The following BMAL2 variants were observed in gnomAD, a reference collection of about 807,000 sequenced individuals.
BMAL2 encodes the protein basic helix-loop-helix ARNT like 2, also known as basic helix-loop-helix ARNT-like protein 2.
chr12:27,408,626 T>C, the BMAL2 span, among the ~76,000 whole-genome samples: 54 of 152,084 alleles, frequency 3.6e-4, no homozygotes, highest in Non-Finnish European at 6.8e-4. Flanking sequence ...GACAAACCCA[T>C]AGCCAATATC....
the BMAL2 span, among the ~76,000 whole-genome samples, chr12:27,333,414 G>A: frequency 6.6e-6 from 1 of 152,242 alleles, no homozygotes; most frequent in Non-Finnish European, 1.5e-5. Flanking sequence ...GAGCCAGCGG[G>A]GGACCTTGCA....
the BMAL2 span, among the ~76,000 whole-genome samples, chr12:27,350,116 A>C: frequency 6.6e-6 from 1 of 152,230 alleles, no homozygotes; most frequent in Non-Finnish European, 1.5e-5. Context: ...CCTGTGAAAA[A>C]GCAGGTGACT....
At chr12:27,408,478 A>T in the BMAL2 span, among the ~76,000 whole-genome samples, 2,490 of 152,320 alleles carry the variant, frequency 0.016, 30 homozygotes, top group Non-Finnish European at 0.028. Flanking sequence ...TATAAACAGA[A>T]CCAATGACAA....
At chr12:27,422,827 GGCCATCATA>G in the BMAL2 span, 1 of 152,222 alleles carries the variant, frequency 6.6e-6, no homozygotes, top group Non-Finnish European at 1.5e-5. Context: ...TGGCAGGGTA[GGCCATCATA>G]GCTGGATGGC....
At chr12:27,367,801 A>G in the BMAL2 span, among the ~76,000 whole-genome samples, 2 of 139,550 alleles carry the variant, frequency 1.4e-5, no homozygotes, top group African/African-American at 5.3e-5. Context: ...TATAATGTGT[A>G]TATATAGATA....
chr12:27,422,348 C>T, the BMAL2 span: 4 of 152,134 alleles, frequency 2.6e-5, no homozygotes, highest in Non-Finnish European at 5.9e-5. Flanking sequence ...CAGAGCCCCT[C>T]GCCAAAACAA....
At chr12:27,339,256 C>T in the BMAL2 span, among the ~76,000 whole-genome samples, 6 of 152,148 alleles carry the variant, frequency 3.9e-5, no homozygotes, top group Admixed American at 1.3e-4. Context: ...ATAATGGCCT[C>T]CAGTTCCATT....
At chr12:27,393,236 A>G in the BMAL2 span, among the ~76,000 whole-genome samples, 1 of 152,220 alleles carries the variant, frequency 6.6e-6, no homozygotes, top group Admixed American at 6.5e-5. Flanking sequence ...CAAATCCACT[A>G]TCACCATTTG....
At chr12:27,390,363 AAAT>A in the BMAL2 span, 1 of 1,168,822 alleles carries the variant, frequency 8.6e-7, no homozygotes, top group Non-Finnish European at 1.2e-6. Flanking sequence ...AGCATCTTAA[AAAT>A]AAGATTTTTT....
At chr12:27,347,920 A>G in the BMAL2 span, among the ~76,000 whole-genome samples, 32 of 152,354 alleles carry the variant, frequency 2.1e-4, no homozygotes, top group South Asian at 4.1e-3. Flanking sequence ...GTACTGTTGC[A>G]TTGAGCAATC....
the BMAL2 span, among the ~76,000 whole-genome samples, chr12:27,336,226 C>G: frequency 6.6e-6 from 1 of 152,104 alleles, no homozygotes; most frequent in Non-Finnish European, 1.5e-5. Flanking sequence ...GCCATGTGCC[C>G]TACAGGAGGC....
chr12:27,376,864 G>T, the BMAL2 span, among the ~76,000 whole-genome samples: 164 of 151,998 alleles, frequency 1.1e-3, 1 homozygote, highest in African/African-American at 3.8e-3. Context: ...GCCGGGCGTG[G>T]TGGTGGGCAC....
At chr12:27,388,461 GA>G in the BMAL2 span, among the ~76,000 whole-genome samples, 3 of 152,166 alleles carry the variant, frequency 2.0e-5, no homozygotes, top group African/African-American at 7.2e-5. Flanking sequence ...GAATTCAGAA[GA>G]GGGGTGGCCA....
At chr12:27,422,496 G>C in the BMAL2 span, 1 of 152,162 alleles carries the variant, frequency 6.6e-6, no homozygotes, top group Non-Finnish European at 1.5e-5. Context: ...AATGTGCAGG[G>C]GCTTCGTGGG....
the BMAL2 span, among the ~76,000 whole-genome samples, chr12:27,359,462 G>A: frequency 2.6e-5 from 4 of 152,304 alleles, no homozygotes; most frequent in African/African-American, 4.8e-5. Context: ...GCTGAGGATC[G>A]CTTGAGCCCA....
At chr12:27,373,158 CA>C in the BMAL2 span, among the ~76,000 whole-genome samples, 1 of 152,064 alleles carries the variant, frequency 6.6e-6, no homozygotes, top group Non-Finnish European at 1.5e-5. Context: ...GAGCATCGAT[CA>C]AAGAGAGTGG....
At chr12:27,371,274 G>A in the BMAL2 span, among the ~76,000 whole-genome samples, 1 of 152,198 alleles carries the variant, frequency 6.6e-6, no homozygotes, top group African/African-American at 2.4e-5. Context: ...CTTGAGCCCA[G>A]AAGTTCGAGG....
the BMAL2 span, among the ~76,000 whole-genome samples, chr12:27,363,192 C>T: frequency 3.9e-5 from 6 of 152,150 alleles, no homozygotes; most frequent in Admixed American, 3.9e-4. Flanking sequence ...CATTCAGTAA[C>T]TAAGCAATGT....
chr12:27,373,180 G>A, the BMAL2 span, among the ~76,000 whole-genome samples: 1 of 152,202 alleles, frequency 6.6e-6, no homozygotes, highest in Admixed American at 6.5e-5. Context: ...CCCTGGACAG[G>A]AAGGGCAGGG....
Sources: allele counts gnomAD v4.1 joint callset (sites outside exome capture counted in the v4.1 genomes callset), GRCh38; gene constraint gnomAD v4.1.1; transcripts MANE v1.5; gene names NCBI Gene and HGNC (gene_info 2026-07-23, HGNC 2026-07-21).